TPGS2: variants seen among roughly 807,000 people sequenced by gnomAD.
The protein encoded by TPGS2 is tubulin polyglutamylase complex subunit 2.
In TPGS2, 26 loss-of-function variants were observed where a neutral mutation model predicts 31.1. The ratio of observed to expected loss-of-function variants is 0.84; its 90% CI spans 0.61 to 1.16. The LOEUF is 1.16. TPGS2 is among the 50% of genes most tolerant of loss of function. The probability of loss-of-function intolerance (pLI) is 0.00; values close to 1 mark genes in which losing one functional copy is unlikely to be tolerated. For synonymous variants in TPGS2, 130 were observed against 136.6 expected, an observed-to-expected ratio of 0.95 and a Z score of 0.34; for missense variants, 351 against 363.8, an observed-to-expected ratio of 0.96 and a Z score of 0.29.
chr18:36,790,367 G>T (rs2044267807), downstream of TPGS2, among the ~76,000 whole-genome samples: 1 of 152,238 alleles, frequency 6.6e-6, no homozygotes, highest in African/African-American at 2.4e-5. Context: ...ATCCATGTGA[G>T]ATTATGTAGT....
At chr18:36,809,882 AG>A (rs2045340698) in intron 2 of TPGS2, among the ~76,000 whole-genome samples, 2 of 152,224 alleles carry the variant, frequency 1.3e-5, no homozygotes, top group Admixed American at 1.3e-4. Flanking sequence ...GAATAATTCC[AG>A]TAATTAATAG....
chr18:36,798,583 A>G lies in TPGS2; in HGVS notation c.523T>C (p.Phe175Leu). ...TGCCAGTATAACGCTCTGTCCAGGA[A>G]CCAGATCTCAGTGTCTTCTGCTAAT... ...PALAEDTEIW[F>L]LDRALYWHFL... The change falls in exon 6 of 7, where the codon TTC becomes CTC. Residue 175 changes from phenylalanine (F) to leucine (L), a missense_variant. Phe to Leu is a conservative substitution (Grantham distance 22, BLOSUM62 0). Coordinates refer to ENST00000334295, the MANE Select transcript of TPGS2 (RefSeq NM_015476.4). The G allele has an allele frequency of 6.2e-7, 1 of 1,614,184 alleles. No homozygotes were observed. The highest frequency in any genetic ancestry group is 8.5e-7 in the Non-Finnish European group (1 of 1,180,006).
Position 36,800,183 on chromosome 18 carries a change from G to A in TPGS2, c.496+15C>T, listed in dbSNP as rs766249538. 1 of 1,611,694 alleles carries A rather than the reference G, an allele frequency of 6.2e-7. No homozygotes were observed. Among genetic ancestry groups the A allele is most frequent in the Non-Finnish European group, 8.5e-7 (1 of 1,177,794 alleles). ...CTAGCCAAACTACGGGACCACGCTT[G>A]TAAACAATTCTTACCTGGTTTCCCA... On this transcript the variant is annotated intron_variant, in intron 5 of 6. Coordinates refer to ENST00000334295, the MANE Select transcript of TPGS2 (RefSeq NM_015476.4).
At chr18:36,812,643 A>G (rs180860952) in intron 2 of TPGS2, among the ~76,000 whole-genome samples, 3 of 152,320 alleles carry the variant, frequency 2.0e-5, no homozygotes, top group Admixed American at 2.0e-4. Flanking sequence ...GAGCCACTCT[A>G]GCAAATTAAT....
At chr18:36,790,505 A>G (rs2044272673), downstream of TPGS2, among the ~76,000 whole-genome samples, 1 of 152,368 alleles carries the variant, frequency 6.6e-6, no homozygotes, top group Admixed American at 6.5e-5. Context: ...GAGTTTACAA[A>G]GATCCCATTT....
intron 2 of TPGS2, among the ~76,000 whole-genome samples, chr18:36,816,722 C>T (rs529322493): frequency 6.6e-5 from 10 of 152,320 alleles, no homozygotes; most frequent in East Asian, 1.9e-4. Context: ...GATTCTTCTG[C>T]CTCAACCTCC....
At position 36,794,113 on chromosome 18, in the gene TPGS2, T is replaced by C; in HGVS notation, c.*2692A>G. 1 of 241,130 alleles carries C rather than the reference T, an allele frequency of 4.1e-6. No homozygotes were observed. Among genetic ancestry groups the C allele is most frequent in the Non-Finnish European group, 6.7e-6 (1 of 149,458 alleles). 14.9% of individuals were successfully genotyped at this position (241,130 alleles called of 1,614,324 possible). A position where few individuals can be genotyped will look rare whatever the true frequency, so the allele number is the denominator to read the frequency against. ...GAATAGTAAAATGCATGATAGGAAT[T>C]TAACATTTAAGTTTTTAGTTAGAAC... On this transcript the variant is annotated 3_prime_UTR_variant, in exon 7 of 7. Transcript: ENST00000334295.
At chr18:36,811,569 T>C (rs531188082) in intron 2 of TPGS2, among the ~76,000 whole-genome samples, 2 of 152,258 alleles carry the variant, frequency 1.3e-5, no homozygotes, top group East Asian at 3.9e-4. Context: ...CAAGTTTATA[T>C]AATCATCAAA....
At chr18:36,798,182 A>C (rs2044625893) in intron 6 of TPGS2, 2 of 1,294,374 alleles carry the variant, frequency 1.5e-6, no homozygotes, top group Admixed American at 3.2e-5. Flanking sequence ...AAGTCATGGG[A>C]CATAAACTAT....
chr18:36,788,238 GT>G (rs11358315), intron 6 of TPGS2, among the ~76,000 whole-genome samples: 152,290 of 152,290 alleles, frequency 1, 76,145 homozygotes, highest in Non-Finnish European at 1. Context: ...GGAAATTTGA[GT>G]TTTTTCTGAT....
At chr18:36,784,094 C>T (rs761675675) in intron 6 of TPGS2, among the ~76,000 whole-genome samples, 4 of 152,014 alleles carry the variant, frequency 2.6e-5, no homozygotes, top group African/African-American at 7.3e-5. Context: ...ATAGCACAGC[C>T]GCTCGACACC....
chr18:36,806,199 CTT>C (rs2045123533), intron 3 of TPGS2: 1 of 152,198 alleles, frequency 6.6e-6, no homozygotes, highest in Non-Finnish European at 1.5e-5. Context: ...CCTCTGCTGC[CTT>C]TTCTGTCTCT....
At chr18:36,812,569 CTCT>C (rs1376319176) in intron 2 of TPGS2, among the ~76,000 whole-genome samples, 3 of 152,298 alleles carry the variant, frequency 2.0e-5, no homozygotes, top group Non-Finnish European at 4.4e-5. Flanking sequence ...CTCTGTGCAT[CTCT>C]TCATCTGTAT....
At chr18:36,818,200 T>C (rs1359313530) in intron 2 of TPGS2, among the ~76,000 whole-genome samples, 1 of 152,188 alleles carries the variant, frequency 6.6e-6, no homozygotes, top group African/African-American at 2.4e-5. Flanking sequence ...TTATTGCTTC[T>C]TTGGGAAAAC....
intron 1 of TPGS2, among the ~76,000 whole-genome samples, chr18:36,821,740 C>A (rs371017209): frequency 6.6e-6 from 1 of 152,322 alleles, no homozygotes; most frequent in East Asian, 1.9e-4. Flanking sequence ...TTGACAAAGA[C>A]TGAGTGAGTG....
chr18:36,807,986 A>G (rs2045243929), intron 2 of TPGS2, 52 bp from the exon 3 acceptor site: 2 of 1,583,604 alleles, frequency 1.3e-6, no homozygotes, highest in Non-Finnish European at 1.7e-6. Context: ...AAGAGGGTAC[A>G]GGGCTATGGC....
chr18:36,824,643 G>T (rs117701478), intron 1 of TPGS2, among the ~76,000 whole-genome samples: 2 of 152,220 alleles, frequency 1.3e-5, no homozygotes, highest in Non-Finnish European at 2.9e-5. Flanking sequence ...ATCTTTATGT[G>T]TGCTCACTGG....
chr18:36,800,585 C>T (rs1355851481), intron 4 of TPGS2, among the ~76,000 whole-genome samples: 2 of 152,158 alleles, frequency 1.3e-5, no homozygotes, highest in Admixed American at 6.5e-5. Context: ...GGAAGTGGGA[C>T]CACAGAGCAA....
At chr18:36,785,061 G>A (rs2044097446) in intron 6 of TPGS2, among the ~76,000 whole-genome samples, 1 of 152,156 alleles carries the variant, frequency 6.6e-6, no homozygotes, top group Non-Finnish European at 1.5e-5. Context: ...CACTTTGGGA[G>A]GCCAAGGTGG....
Sources: allele counts gnomAD v4.1 joint callset (sites outside exome capture counted in the v4.1 genomes callset), GRCh38; gene constraint gnomAD v4.1.1; transcripts MANE v1.5; gene names NCBI Gene and HGNC (gene_info 2026-07-23, HGNC 2026-07-21).